RIMS2: variants seen among roughly 807,000 people sequenced by gnomAD.
RIMS2 encodes the protein regulating synaptic membrane exocytosis 2.
RIMS2 carries 59 observed loss-of-function variants against 174.4 expected under a neutral mutation model. The ratio of observed to expected loss-of-function variants is 0.34; its 90% CI spans 0.27 to 0.42. The LOEUF is 0.42. RIMS2 is among the 10% of genes least tolerant of loss of function. The pLI is 1.00. For synonymous variants in RIMS2, 606 were observed against 572.5 expected, an observed-to-expected ratio of 1.06 and a Z score of -0.84; for missense variants, 1,620 against 1,666.3, an observed-to-expected ratio of 0.97 and a Z score of 0.48.
At chr8:104,045,589 T>C (rs1448270057) in intron 19 of RIMS2, among the ~76,000 whole-genome samples, 1 of 151,916 alleles carries the variant, frequency 6.6e-6, no homozygotes, top group Non-Finnish European at 1.5e-5. Context: ...GATTAGTGCT[T>C]GTGTAATATA....
chr8:103,880,738 T>C (rs2099163296), intron 3 of RIMS2: 1 of 453,838 alleles, frequency 2.2e-6, no homozygotes, highest in African/African-American at 2.0e-5. Flanking sequence ...TGTAAAAATT[T>C]ATATATTTTT....
intron 3 of RIMS2, among the ~76,000 whole-genome samples, chr8:103,779,439 A>G (rs2098359265): frequency 1.3e-5 from 2 of 151,948 alleles, no homozygotes; most frequent in Non-Finnish European, 2.9e-5. Flanking sequence ...GAAAGATAGG[A>G]TTCTAGTTTC....
intron 6 of RIMS2, among the ~76,000 whole-genome samples, chr8:103,912,972 T>TTG (rs1565271027): frequency 7.1e-6 from 1 of 140,716 alleles, no homozygotes; most frequent in Non-Finnish European, 1.6e-5. Flanking sequence ...TTTTTGTTGT[T>TTG]TTTTTTTTTT....
intron 14 of RIMS2, among the ~76,000 whole-genome samples, chr8:103,956,842 A>G (rs1326062181): frequency 6.6e-6 from 1 of 152,220 alleles, no homozygotes; most frequent in East Asian, 1.9e-4. Flanking sequence ...AAACTTTTGC[A>G]ATCTGTCCAT....
chr8:104,010,612 A>G (rs1222692952), intron 17 of RIMS2, among the ~76,000 whole-genome samples: 1 of 152,198 alleles, frequency 6.6e-6, no homozygotes, highest in African/African-American at 2.4e-5. Flanking sequence ...ATAATGATGG[A>G]CAGTAGCCTA....
intron 3 of RIMS2, among the ~76,000 whole-genome samples, chr8:103,871,909 A>C (rs1486925432): frequency 6.6e-6 from 1 of 152,140 alleles, no homozygotes; most frequent in East Asian, 1.9e-4. Context: ...GTTATTGCTA[A>C]ATGTCAGACC....
At chr8:103,676,516 A>G (rs1453772798) in intron 1 of RIMS2, among the ~76,000 whole-genome samples, 1 of 152,060 alleles carries the variant, frequency 6.6e-6, no homozygotes, top group African/African-American at 2.4e-5. Context: ...TTAAGCCAAA[A>G]GTTAAGCAGA....
chr8:104,177,020 T>C (rs887473007), intron 19 of RIMS2, among the ~76,000 whole-genome samples: 1 of 152,130 alleles, frequency 6.6e-6, no homozygotes, highest in Non-Finnish European at 1.5e-5. Flanking sequence ...ATCACATCAA[T>C]GGGTTAATCA....
At chr8:103,841,418 C>T (rs577695949) in intron 3 of RIMS2, among the ~76,000 whole-genome samples, 105 of 151,960 alleles carry the variant, frequency 6.9e-4, no homozygotes, top group Non-Finnish European at 1.1e-3. Flanking sequence ...ATTGAAAAAT[C>T]TAGACTTGAT....
In RIMS2 at chr8:103,989,289, G is replaced by T. The variant is rs749789278; in HGVS notation, c.2928-16G>T. ...AAATGGTTTACTAAGATATTGAATA[G>T]ATCTTGTTGTTTTAGTCGGAATGTG... On this transcript the variant is annotated splice_polypyrimidine_tract_variant and intron_variant, in intron 16 of 23. Coordinates refer to ENST00000504942, the Ensembl canonical transcript of RIMS2. The T allele has an allele frequency of 5.7e-6, 8 of 1,411,236 alleles. No homozygotes were observed. The South Asian group carries it at 9.3e-5, about 16-fold the overall frequency. 87.4% of individuals were successfully genotyped at this position (1,411,236 alleles called of 1,614,324 possible).
At chr8:104,015,759 C>T (rs983341203) in intron 19 of RIMS2, among the ~76,000 whole-genome samples, 2 of 151,952 alleles carry the variant, frequency 1.3e-5, no homozygotes, top group East Asian at 1.9e-4. Flanking sequence ...AACTAGATTT[C>T]GAGTAAGACT....
intron 19 of RIMS2, chr8:104,223,602 C>T: frequency 6.6e-7 from 1 of 1,525,664 alleles, no homozygotes; most frequent in Non-Finnish European, 8.8e-7. Flanking sequence ...GCCCCAGCCG[C>T]CAAGACGCCG....
At chr8:103,660,914 A>G (rs1459172093) in intron 1 of RIMS2, among the ~76,000 whole-genome samples, 3 of 152,232 alleles carry the variant, frequency 2.0e-5, no homozygotes, top group African/African-American at 4.8e-5. Context: ...AATATAAAAA[A>G]TGAAAAGTGC....
At position 104,091,739 on chromosome 8, in the gene RIMS2, C is replaced by A. The variant is rs146549937; in HGVS notation, c.3334+77124C>A. On this transcript the variant is annotated intron_variant, in intron 19 of 23. Transcript: ENST00000504942. ...TCTAGGCAATGGCTTTCAACATTGT[C>A]ATTTAAGGCAAAATGTTTGGTATTT... Among the ~76,000 whole-genome samples the A allele has an allele frequency of 2.7e-3, 407 of 151,312 alleles. 6 individuals are homozygous for A. Among genetic ancestry groups the A allele is most frequent in the African/African-American group, 9.1e-3 (379 of 41,432 alleles).
intron 1 of RIMS2, among the ~76,000 whole-genome samples, chr8:103,591,943 A>C: frequency 6.6e-6 from 1 of 151,186 alleles, no homozygotes; most frequent in East Asian, 1.9e-4. Flanking sequence ...AAAAAAGCTT[A>C]GTGAAGTTAT....
intron 1 of RIMS2, among the ~76,000 whole-genome samples, chr8:103,511,307 A>C (rs1360821453): frequency 6.6e-6 from 1 of 152,200 alleles, no homozygotes; most frequent in Non-Finnish European, 1.5e-5. Flanking sequence ...TTACCATATG[A>C]CTAACATAGT....
At chr8:103,940,301 A>G (rs1465937900) in intron 13 of RIMS2, among the ~76,000 whole-genome samples, 1 of 152,176 alleles carries the variant, frequency 6.6e-6, no homozygotes, top group Non-Finnish European at 1.5e-5. Flanking sequence ...GCAAAGAGAG[A>G]GAGAACTTGT....
rs577766346 is a variant in RIMS2 at position 103,608,236 on chromosome 8, A to T, written c.177-88850A>T. Among the ~76,000 whole-genome samples, 59 of 142,796 alleles carry T rather than the reference A, an allele frequency of 4.1e-4. 6 individuals are homozygous for T. In the South Asian group the frequency reaches 9.9e-3, roughly 24 times the overall value. 93.7% of individuals were successfully genotyped at this position (142,796 alleles called of 152,430 possible). On this transcript the variant is annotated intron_variant, in intron 1 of 23. Transcript: ENST00000504942. ...TCTAACAGACAGGACCCTCAGCTGCAGGTCTGTTGGAGTACTGGGCCCTGT... is the reference window on the plus strand; with the variant it reads ...TCTAACAGACAGGACCCTCAGCTGCTGGTCTGTTGGAGTACTGGGCCCTGT...
chr8:104,248,697 T>C lies in RIMS2; in HGVS notation c.3477-4T>C, dbSNP rs749089684. 5.2e-6 allele frequency: 8 copies of C among 1,535,504 alleles called. No homozygotes were observed. The Admixed American group carries it at 1.3e-4, about 26-fold the overall frequency. On this transcript the variant is annotated splice_region_variant and splice_polypyrimidine_tract_variant and intron_variant, in intron 20 of 23. Transcript: ENST00000504942. ...TTTAATCTCATATGTTATTTTGCTT[T>C]CAGTCTGATTTTCCCTGGTGTTCGC... is the stretch of plus-strand genomic sequence containing the variant.
Sources: allele counts gnomAD v4.1 joint callset (sites outside exome capture counted in the v4.1 genomes callset), GRCh38; gene constraint gnomAD v4.1.1; transcripts MANE v1.5; gene names NCBI Gene and HGNC (gene_info 2026-07-23, HGNC 2026-07-21).